The following RTF1 variants were observed in gnomAD, a reference collection of about 807,000 sequenced individuals.
RTF1 encodes the protein RTF1 homolog, Paf1/RNA polymerase II complex component.
Under a neutral mutation model 95.7 loss-of-function variants are expected in RTF1, and 10 were observed. The ratio of observed to expected loss-of-function variants is 0.10; its 90% CI spans 0.06 to 0.18. RTF1 has a LOEUF of 0.18. RTF1 is among the 10% of genes least tolerant of loss of function. RTF1 has a pLI of 1.00. For missense variants in RTF1, 458 were observed against 875.6 expected (o/e 0.52, Z 6.02); for synonymous variants, 305 against 311.8 (o/e 0.98, Z 0.23).
At chr15:41,428,300 C>T (rs1162578183) in intron 1 of RTF1, among the ~76,000 whole-genome samples, 3 of 117,104 alleles carry the variant, frequency 2.6e-5, no homozygotes, top group Non-Finnish European at 4.9e-5. Context: ...TGGAGTCTCG[C>T]TTTGTTGCCC....
chr15:41,420,766 A>G (rs1350502473), intron 1 of RTF1, among the ~76,000 whole-genome samples: 1 of 152,146 alleles, frequency 6.6e-6, no homozygotes, highest in East Asian at 1.9e-4. Context: ...CCTCTGTGTC[A>G]GAAGCCACCT....
intron 1 of RTF1, among the ~76,000 whole-genome samples, chr15:41,429,436 CT>C (rs1321915534): frequency 1.3e-3 from 195 of 145,780 alleles, no homozygotes; most frequent in African/African-American, 3.2e-3. Flanking sequence ...TTGTAGTGCT[CT>C]TTTTTTTTTT....
Position 41,480,719 on chromosome 15 carries a change from T to G in RTF1, c.*32T>G. The stretch of plus-strand genomic sequence containing the variant: ...CCAGCCTGCTGCTTCTGACCCTGCA[T>G]GCCCCATCGCAGCGTCCCACCTTTC... On this transcript the variant is annotated 3_prime_UTR_variant, in exon 18 of 18. Transcript: ENST00000389629. 6.8e-7 allele frequency: 1 copy of G among 1,472,762 alleles called. No homozygotes were observed. Among genetic ancestry groups the G allele is most frequent in the Non-Finnish European group, 9.5e-7 (1 of 1,051,128 alleles). 91.2% of individuals were successfully genotyped at this position (1,472,762 alleles called of 1,614,324 possible).
In RTF1 at chr15:41,480,567, C is replaced by A; in HGVS notation, c.2027-14C>A. On this transcript the variant is annotated splice_polypyrimidine_tract_variant and intron_variant, in intron 17 of 17. Transcript: ENST00000389629. ...GTGGGACCTCAGCTGCCAACTTGCT[C>A]TTCTTTCCCACAGAGTCAAAGGCTT... is the stretch of plus-strand genomic sequence containing the variant. 1 of 1,599,524 alleles carries A rather than the reference C, an allele frequency of 6.3e-7. No homozygotes were observed. Among genetic ancestry groups the A allele is most frequent in the South Asian group, 1.1e-5 (1 of 90,820 alleles).
Position 41,466,123 on chromosome 15 carries a change from A to G in RTF1, c.778-18A>G. The G allele has an allele frequency of 6.6e-7, 1 of 1,511,006 alleles. No individual in the cohort carries two copies. Among genetic ancestry groups the G allele is most frequent in the Non-Finnish European group, 8.9e-7 (1 of 1,124,192 alleles). The allele number at this position is 1,511,006 out of a possible 1,614,324, so 93.6% of individuals were successfully genotyped here. A position where few individuals can be genotyped will look rare whatever the true frequency, so the allele number is the denominator to read the frequency against. ...CTGTTGGTAAAAAGGGCCATTCTAT[A>G]TATCCTTCCCTTCCTAGGTAACATC... On this transcript the variant is annotated intron_variant, in intron 5 of 17. Coordinates refer to ENST00000389629, the MANE Select transcript of RTF1 (RefSeq NM_015138.5).
Position 41,452,308 on chromosome 15 carries a change from C to T in RTF1, c.310-593C>T, listed in dbSNP as rs192238468. Among the ~76,000 whole-genome samples the T allele has an allele frequency of 7.1e-4, 108 of 151,960 alleles. No individual in the cohort carries two copies. In the South Asian group the frequency reaches 0.015, roughly 21 times the overall value. The stretch of plus-strand genomic sequence containing the variant: ...CAGCTTAGCCGGGTGTGGTGGTACA[C>T]GCCTATGGTCCCAACTACTTGGGAG... On this transcript the variant is annotated intron_variant, in intron 2 of 17. Transcript: ENST00000389629.
Position 41,452,910 on chromosome 15 carries a change from G to A in RTF1, c.319G>A (p.Gly107Arg). The change falls in exon 3 of 18, where the codon GGG becomes AGG. Residue 107 changes from glycine (G) to arginine (R), a missense_variant. Physicochemically the swap from Gly to Arg is moderately radical, Grantham distance 125. This residue lies in a region of RTF1 where 44 missense variants were observed against 99.5 expected (regional missense o/e 0.44). Coordinates refer to ENST00000389629, the MANE Select transcript of RTF1 (RefSeq NM_015138.5). ...TSDSDDEWTF[G>R]SNKNKKKGKA... ...TCTTTTCTCCTTATAGTGGACATTT[G>A]GGAGCAATAAAAATAAGAAGAAAGG... 1.2e-6 allele frequency: 2 copies of A among 1,601,824 alleles called. No homozygotes were observed. The highest frequency in any genetic ancestry group is 1.7e-6 in the Non-Finnish European group (2 of 1,174,934).
chr15:41,447,338 C>T (rs532105838), intron 2 of RTF1, among the ~76,000 whole-genome samples: 1 of 152,134 alleles, frequency 6.6e-6, no homozygotes, highest in East Asian at 1.9e-4. Context: ...CCAGAGCAAC[C>T]AGTCCCCGCC....
At position 41,475,900 on chromosome 15, in the gene RTF1, T is replaced by A. The variant is rs1051752009; in HGVS notation, c.1482+81T>A. On this transcript the variant is annotated intron_variant, in intron 11 of 17. Transcript: ENST00000389629. ...AACATGATTCTCTTTTATTTCCCTA[T>A]ATCTTGACATTTTTAGCTATGCATG... The A allele has an allele frequency of 2.7e-5, 19 of 696,050 alleles. No individual in the cohort carries two copies. In the African/African-American group the frequency reaches 3.4e-4, roughly 13 times the overall value. The allele number at this position is 696,050 out of a possible 1,614,324, so 43.1% of individuals were successfully genotyped here.
At chr15:41,450,204 AAAAT>A (rs2050783165) in intron 2 of RTF1, among the ~76,000 whole-genome samples, 1 of 152,192 alleles carries the variant, frequency 6.6e-6, no homozygotes, top group African/African-American at 2.4e-5. Flanking sequence ...TCAAAAATAA[AAAAT>A]AAAATGAAAT....
At chr15:41,461,347 A>C (rs1263591434) in intron 4 of RTF1, among the ~76,000 whole-genome samples, 1 of 150,810 alleles carries the variant, frequency 6.6e-6, no homozygotes, top group Non-Finnish European at 1.5e-5. Flanking sequence ...GTGCCTGGCC[A>C]ATTTTTGTAT....
intron 8 of RTF1, among the ~76,000 whole-genome samples, chr15:41,473,207 T>C (rs374977078): frequency 8.0e-5 from 12 of 150,722 alleles, no homozygotes; most frequent in South Asian, 4.2e-4. Flanking sequence ...GATCTTGGCT[T>C]ACTGCAAGCT....
intron 1 of RTF1, among the ~76,000 whole-genome samples, chr15:41,426,670 A>C (rs1169360202): frequency 1.7e-4 from 8 of 48,334 alleles, no homozygotes; most frequent in Non-Finnish European, 2.6e-4. Context: ...CGAACTCCTG[A>C]CCTCAGGTGA....
At chr15:41,417,448 C>T in intron 1 of RTF1, 135 bp downstream of exon 1, 1 of 723,194 alleles carries the variant, frequency 1.4e-6, no homozygotes, top group Non-Finnish European at 1.9e-6. Context: ...CCACTACAGC[C>T]CCTTTCCCGT....
At chr15:41,466,901 T>G (rs897098922) in intron 6 of RTF1, among the ~76,000 whole-genome samples, 1 of 152,210 alleles carries the variant, frequency 6.6e-6, no homozygotes, top group Non-Finnish European at 1.5e-5. Context: ...GTCCCTTGGG[T>G]TTCCTGTAAA....
chr15:41,420,339 G>A (rs1241094974), intron 1 of RTF1, among the ~76,000 whole-genome samples: 2 of 152,092 alleles, frequency 1.3e-5, no homozygotes, highest in African/African-American at 4.8e-5. Flanking sequence ...TCAGCACTAT[G>A]CCAGACTCTC....
At position 41,476,138 on chromosome 15, in the gene RTF1, A is replaced by G. The variant is rs115160479; in HGVS notation, c.1483-308A>G. Reference sequence around the variant, plus strand: ...ATCCTTCAAGAGTTTTCCTTTTCTAAAACATCTTGGTAAAATTATTTGATC... The same window carrying G: ...ATCCTTCAAGAGTTTTCCTTTTCTAGAACATCTTGGTAAAATTATTTGATC... On this transcript the variant is annotated intron_variant, in intron 11 of 17. Coordinates refer to ENST00000389629, the MANE Select transcript of RTF1 (RefSeq NM_015138.5). Among the ~76,000 whole-genome samples the G allele has an allele frequency of 4.5e-3, 685 of 152,234 alleles. 3 individuals are homozygous for G. Among genetic ancestry groups the G allele is most frequent in the African/African-American group, 0.016 (663 of 41,540 alleles).
chr15:41,470,907 C>T (rs900889345), intron 7 of RTF1, among the ~76,000 whole-genome samples: 2 of 152,018 alleles, frequency 1.3e-5, no homozygotes, highest in Non-Finnish European at 2.9e-5. Context: ...ATCCGCCCGC[C>T]TCGGCCTCCC....
chr15:41,477,151 C>T lies in RTF1; in HGVS notation c.1561-14C>T. ...TGTAGCCAAGAACGAACTCACACATCTCTCTATGTGTAGGCCATGGCTGAG... is the reference window on the plus strand; with the variant it reads ...TGTAGCCAAGAACGAACTCACACATTTCTCTATGTGTAGGCCATGGCTGAG... On this transcript the variant is annotated splice_polypyrimidine_tract_variant and intron_variant, in intron 12 of 17. Coordinates refer to ENST00000389629, the MANE Select transcript of RTF1 (RefSeq NM_015138.5). The T allele has an allele frequency of 6.2e-7, 1 of 1,614,110 alleles. No individual in the cohort carries two copies. Among genetic ancestry groups the T allele is most frequent in the Non-Finnish European group, 8.5e-7 (1 of 1,179,966 alleles).
Sources: allele counts gnomAD v4.1 joint callset (sites outside exome capture counted in the v4.1 genomes callset), GRCh38; gene constraint gnomAD v4.1.1; regional missense constraint gnomAD v4.1.1; transcripts MANE v1.5; gene names NCBI Gene and HGNC (gene_info 2026-07-23, HGNC 2026-07-21).